The following DAB1 variants were observed in gnomAD, a reference collection of about 807,000 sequenced individuals.
DAB1 encodes disabled homolog 1.
Under a neutral mutation model 64.6 loss-of-function variants are expected in DAB1, and 15 were observed. That is an observed-to-expected ratio of 0.23 (90% confidence interval 0.16 to 0.36). The LOEUF is 0.36. Ranked by LOEUF, DAB1 falls within the 10% of genes least tolerant of loss-of-function variation. The probability of loss-of-function intolerance (pLI) is 1.00; values close to 1 mark genes in which losing one functional copy is unlikely to be tolerated. For synonymous variants in DAB1, 235 were observed against 251.9 expected (o/e 0.93, Z 0.64); for missense variants, 596 against 706.7 (o/e 0.84, Z 1.78).
intron 7 of DAB1, among the ~76,000 whole-genome samples, chr1:57,529,277 C>T (rs1644633370): frequency 1.3e-5 from 2 of 151,804 alleles, no homozygotes; most frequent in African/African-American, 4.8e-5. Context: ...TGAAAGAGTA[C>T]CTGAGTAACC....
chr1:57,695,627 C>T (rs113612633), intron 6 of DAB1, among the ~76,000 whole-genome samples: 4 of 152,030 alleles, frequency 2.6e-5, no homozygotes, highest in East Asian at 1.9e-4. Context: ...GAGCCGGGAG[C>T]GGTGGCTCAC....
At chr1:57,174,028 G>C (rs1167285008) in intron 2 of DAB1, among the ~76,000 whole-genome samples, 2 of 152,110 alleles carry the variant, frequency 1.3e-5, no homozygotes, top group Non-Finnish European at 2.9e-5. Context: ...GCATCCTCTT[G>C]CCTGGCAGGA....
At chr1:58,370,642 C>T (rs1351244909) in intron 3 of DAB1, among the ~76,000 whole-genome samples, 1 of 152,128 alleles carries the variant, frequency 6.6e-6, no homozygotes, top group Non-Finnish European at 1.5e-5. Flanking sequence ...ACCCAAATCT[C>T]ATGTCAAATT....
chr1:57,496,192 G>A (rs915257075), intron 7 of DAB1, among the ~76,000 whole-genome samples: 8 of 152,086 alleles, frequency 5.3e-5, no homozygotes, highest in Non-Finnish European at 1.2e-4. Flanking sequence ...TAATGCCCTT[G>A]GGACTGGGCT....
intron 9 of DAB1, among the ~76,000 whole-genome samples, chr1:57,029,250 G>C (rs532544796): frequency 6.6e-6 from 1 of 152,284 alleles, no homozygotes; most frequent in South Asian, 2.1e-4. Flanking sequence ...ACTTCCATGT[G>C]GTATTGAGTC....
intron 8 of DAB1, among the ~76,000 whole-genome samples, chr1:57,067,483 G>C (rs1420218873): frequency 2.0e-5 from 3 of 152,144 alleles, no homozygotes; most frequent in Non-Finnish European, 4.4e-5. Context: ...CAAGCCACAT[G>C]GGGTTGTTGT....
At position 57,280,285 on chromosome 1, in the gene DAB1, A is replaced by G. The variant is rs138937497; in HGVS notation, c.67+10679T>C. ...TGCTCTTGCCTCTCCTCTGCCTTTG[A>G]TCTATGTGTGTTCTTTTGATGGACT... On this transcript the variant is annotated intron_variant, in intron 2 of 14. Coordinates refer to ENST00000371236, the MANE Select transcript of DAB1 (RefSeq NM_001365792.1). Among the ~76,000 whole-genome samples the G allele has an allele frequency of 3.2e-3, 486 of 152,268 alleles. 2 individuals carry two copies. Among genetic ancestry groups the G allele is most frequent in the African/African-American group, 0.011 (474 of 41,550 alleles).
chr1:58,277,136 T>A (rs1317394263), intron 4 of DAB1, among the ~76,000 whole-genome samples: 2 of 147,716 alleles, frequency 1.4e-5, no homozygotes, highest in Admixed American at 6.9e-5. Flanking sequence ...GCCTCCCGGG[T>A]TCAAGCGATT....
chr1:58,049,824 A>G (rs1647517567), intron 5 of DAB1, among the ~76,000 whole-genome samples: 1 of 150,894 alleles, frequency 6.6e-6, no homozygotes, highest in Non-Finnish European at 1.5e-5. Flanking sequence ...ACGCATATGC[A>G]CACACACACA....
intron 5 of DAB1, among the ~76,000 whole-genome samples, chr1:57,974,517 G>T (rs2764696): frequency 0.93 from 141,348 of 151,686 alleles, 66,714 homozygotes; most frequent in East Asian, 1. Flanking sequence ...TAGATAGATA[G>T]ATATATAATA....
rs559000976 is a variant in DAB1 at position 57,810,034 on chromosome 1, G to A, written n.551+73965C>T. On this transcript the variant is annotated intron_variant and non_coding_transcript_variant, in intron 6 of 20. Coordinates refer to the DAB1 transcript ENST00000485760. ...ACAGCAGCCTGCAGGGATTTGCTAG[G>A]AGACCATAAAACCTTCCCTGATGAG... is the stretch of plus-strand genomic sequence containing the variant. Among the ~76,000 whole-genome samples, 297 of 152,260 alleles carry A rather than the reference G, an allele frequency of 2.0e-3. 1 individual carries two copies. Among genetic ancestry groups the A allele is most frequent in the Middle Eastern group, 6.8e-3 (2 of 292 alleles).
intron 11 of DAB1, among the ~76,000 whole-genome samples, chr1:57,021,743 T>C (rs540297355): frequency 6.6e-6 from 1 of 152,296 alleles, no homozygotes; most frequent in Admixed American, 6.5e-5. Flanking sequence ...ATGTTAGGGC[T>C]GGAAGAGATA....
intron 5 of DAB1, among the ~76,000 whole-genome samples, chr1:57,986,005 T>G (rs1646208617): frequency 6.6e-6 from 1 of 152,178 alleles, no homozygotes; most frequent in African/African-American, 2.4e-5. Context: ...CTCAGAGAGA[T>G]TAACCAACAT....
chr1:57,021,654 C>T (rs897647677), intron 11 of DAB1, among the ~76,000 whole-genome samples: 41 of 152,178 alleles, frequency 2.7e-4, no homozygotes, highest in Non-Finnish European at 1.5e-4. Context: ...GTAAATTACC[C>T]GGTGTCAGGT....
At chr1:57,395,483 T>C (rs188670832) in intron 1 of DAB1, among the ~76,000 whole-genome samples, 1 of 152,286 alleles carries the variant, frequency 6.6e-6, no homozygotes, top group East Asian at 1.9e-4. Flanking sequence ...TGAACACCCC[T>C]TGAGCCACTA....
chr1:57,127,094 G>T (rs1380454424), intron 4 of DAB1, among the ~76,000 whole-genome samples: 1 of 152,162 alleles, frequency 6.6e-6, no homozygotes, highest in Non-Finnish European at 1.5e-5. Context: ...CCTGCAAGGA[G>T]TGTCTTCATA....
Position 57,026,019 on chromosome 1 carries a change from C to T in DAB1, c.748G>A (p.Gly250Arg). The change falls in exon 10 of 15, where the codon GGG (glycine) becomes AGG (arginine). Residue 250 changes from glycine (G) to arginine (R), a missense_variant. Transcript: ENST00000371236. ...VSAVTQLELF[G>R]DMSTPPDITS... is the part of the protein sequence containing the mutation. Reference sequence around the variant, plus strand: ...ATATCAGGGGGTGTGGACATGTCCCCAAAAAGTTCTAATTGGGTCACAGCC... The same window carrying T: ...ATATCAGGGGGTGTGGACATGTCCCTAAAAAGTTCTAATTGGGTCACAGCC... 1.9e-6 allele frequency: 3 copies of T among 1,593,492 alleles called. No individual in the cohort carries two copies. Among genetic ancestry groups the T allele is most frequent in the Non-Finnish European group, 2.6e-6 (3 of 1,171,926 alleles).
At chr1:58,545,663 C>A (rs1346519444) in intron 1 of DAB1, among the ~76,000 whole-genome samples, 1 of 152,196 alleles carries the variant, frequency 6.6e-6, no homozygotes, top group Non-Finnish European at 1.5e-5. Flanking sequence ...ATCCTTAATT[C>A]TTTAAGTACC....
chr1:57,653,180 G>T (rs1646276175), intron 6 of DAB1, among the ~76,000 whole-genome samples: 1 of 152,092 alleles, frequency 6.6e-6, no homozygotes, highest in Admixed American at 6.5e-5. Flanking sequence ...AAACATTGTA[G>T]AAATAAGCAA....
Sources: allele counts gnomAD v4.1 joint callset (sites outside exome capture counted in the v4.1 genomes callset), GRCh38; gene constraint gnomAD v4.1.1; transcripts MANE v1.5; gene names NCBI Gene and HGNC (gene_info 2026-07-23, HGNC 2026-07-21).